Variants in CACNA2D3 observed in about 807,000 individuals in gnomAD.
CACNA2D3 encodes the protein calcium voltage-gated channel auxiliary subunit alpha2delta 3, also known as voltage-dependent calcium channel subunit alpha-2/delta-3.
A neutral mutation model predicts 160.6 loss-of-function variants in CACNA2D3; 60 were observed. The observed-to-expected ratio is 0.37, with a 90% CI of 0.30 to 0.46. CACNA2D3 has a LOEUF of 0.46. Ranked by LOEUF, CACNA2D3 falls within the 20% of genes least tolerant of loss-of-function variation. The pLI, the probability that CACNA2D3 is intolerant of heterozygous loss-of-function variation, is 1.00. For synonymous variants in CACNA2D3, 558 were observed against 492.9 expected, an observed-to-expected ratio of 1.13 and a Z score of -1.75; for missense variants, 1,205 against 1,365.0, an observed-to-expected ratio of 0.88 and a Z score of 1.85.
intron 2 of CACNA2D3, among the ~76,000 whole-genome samples, chr3:54,296,011 G>A (rs933784186): frequency 6.6e-5 from 10 of 152,280 alleles, no homozygotes; most frequent in African/African-American, 2.2e-4. Flanking sequence ...TGGAGCATGA[G>A]GGGAGGTTGG....
At chr3:54,982,320 C>G (rs558103646) in intron 29 of CACNA2D3, among the ~76,000 whole-genome samples, 1 of 152,282 alleles carries the variant, frequency 6.6e-6, no homozygotes, top group South Asian at 2.1e-4. Context: ...CAAGTTTGAT[C>G]AAGCATCTTT....
At chr3:54,707,582 C>A (rs1208765954) in intron 11 of CACNA2D3, among the ~76,000 whole-genome samples, 1 of 152,080 alleles carries the variant, frequency 6.6e-6, no homozygotes, top group Non-Finnish European at 1.5e-5. Flanking sequence ...GATCCTGATT[C>A]TTTTATCTGT....
intron 11 of CACNA2D3, among the ~76,000 whole-genome samples, chr3:54,670,163 G>A (rs887412712): frequency 2.0e-5 from 3 of 152,110 alleles, no homozygotes; most frequent in African/African-American, 4.8e-5. Flanking sequence ...ATGCCCATAC[G>A]TTTTCTGTCA....
In CACNA2D3 at chr3:54,122,591, A is replaced by T; in HGVS notation, c.-123A>T. 2.6e-6 allele frequency: 1 copy of T among 380,968 alleles called. No homozygotes were observed. The highest frequency in any genetic ancestry group is 1.1e-4 in the South Asian group (1 of 9,056). The allele number at this position is 380,968 out of a possible 1,614,324, so 23.6% of individuals were successfully genotyped here. A position where few individuals can be genotyped will look rare whatever the true frequency, so the allele number is the denominator to read the frequency against. On this transcript the variant is annotated 5_prime_UTR_variant, in exon 1 of 38. Transcript: ENST00000474759. ...TCCCCAAGTGAGCCGGGCGCGCGAG[A>T]GGCAGGCGGGGCGGCGCGGAGCGGA... is the stretch of plus-strand genomic sequence containing the variant.
chr3:54,763,645 G>A (rs539450201), intron 12 of CACNA2D3, among the ~76,000 whole-genome samples: 1,780 of 128,572 alleles, frequency 0.014, 21 homozygotes, highest in South Asian at 0.034. Flanking sequence ...GTGTGTGTGT[G>A]TATATATATG....
At chr3:54,230,571 T>C (rs1206231640) in intron 2 of CACNA2D3, among the ~76,000 whole-genome samples, 1 of 152,226 alleles carries the variant, frequency 6.6e-6, no homozygotes, top group Non-Finnish European at 1.5e-5. Context: ...CAGGGGATTC[T>C]AAAGGCAAAC....
At chr3:55,028,429 T>C (rs886582726) in intron 35 of CACNA2D3, among the ~76,000 whole-genome samples, 2 of 152,196 alleles carry the variant, frequency 1.3e-5, no homozygotes, top group African/African-American at 2.4e-5. Flanking sequence ...ATTAAATTAA[T>C]CTGTTATTCA....
intron 9 of CACNA2D3, among the ~76,000 whole-genome samples, chr3:54,590,324 A>G (rs9816819): frequency 0.088 from 13,333 of 152,220 alleles, 1,893 homozygotes; most frequent in African/African-American, 0.3. Context: ...AAAAGCCAAT[A>G]TCAAAAGAAC....
chr3:54,904,797 A>G (rs1700417152), intron 27 of CACNA2D3, among the ~76,000 whole-genome samples: 1 of 152,204 alleles, frequency 6.6e-6, no homozygotes. Context: ...GATAGTGGAA[A>G]CATAGTACTT....
intron 2 of CACNA2D3, among the ~76,000 whole-genome samples, chr3:54,131,286 G>C (rs1357662783): frequency 6.6e-6 from 1 of 152,198 alleles, no homozygotes; most frequent in Non-Finnish European, 1.5e-5. Flanking sequence ...CTGCAGTGGC[G>C]GCGGCCTCTG....
At position 54,836,354 on chromosome 3, in the gene CACNA2D3, C is replaced by T. The variant is rs1698687172; in HGVS notation, c.1399-805C>T. ...GGTTCACACCATTCTCCTGCCTCAGCCTCCCGAGTAGCTGGGACTACAGGC... is the reference window on the plus strand; with the variant it reads ...GGTTCACACCATTCTCCTGCCTCAGTCTCCCGAGTAGCTGGGACTACAGGC... On this transcript the variant is annotated intron_variant, in intron 14 of 37. Coordinates refer to ENST00000474759, the MANE Select transcript of CACNA2D3 (RefSeq NM_018398.3). 4.6e-5 allele frequency among the ~76,000 whole-genome samples: 7 copies of T among 151,974 alleles called. No homozygotes were observed. The South Asian group carries it at 1.5e-3, about 32-fold the overall frequency.
At chr3:54,165,114 ATTTTTTTTT>A (rs397961895) in intron 2 of CACNA2D3, among the ~76,000 whole-genome samples, 7 of 117,888 alleles carry the variant, frequency 5.9e-5, no homozygotes, top group African/African-American at 9.4e-5. Flanking sequence ...TCTGAATCTC[ATTTTTTTTT>A]TTTTTTTTTT....
At chr3:54,909,215 TTC>T in intron 27 of CACNA2D3, among the ~76,000 whole-genome samples, 1 of 152,206 alleles carries the variant, frequency 6.6e-6, no homozygotes, top group South Asian at 2.1e-4. Flanking sequence ...TTAGTTAATC[TTC>T]ACTCTAGCTT....
chr3:54,695,235 C>T (rs1218089567), intron 11 of CACNA2D3, among the ~76,000 whole-genome samples: 1 of 152,126 alleles, frequency 6.6e-6, no homozygotes, highest in African/African-American at 2.4e-5. Context: ...CCAGGCTGGT[C>T]TTGAACTCCT....
At chr3:54,255,720 C>T (rs1320677612) in intron 2 of CACNA2D3, among the ~76,000 whole-genome samples, 1 of 152,126 alleles carries the variant, frequency 6.6e-6, no homozygotes, top group East Asian at 1.9e-4. Flanking sequence ...ATTGTTCTCC[C>T]CATATTCCCC....
chr3:54,186,286 A>T (rs4128319), intron 2 of CACNA2D3, among the ~76,000 whole-genome samples: 24,162 of 152,212 alleles, frequency 0.16, 1,986 homozygotes, highest in South Asian at 0.23. Flanking sequence ...GTATAGCAGG[A>T]GGAAGTGTTC....
At chr3:54,813,362 C>T (rs570027000) in intron 13 of CACNA2D3, among the ~76,000 whole-genome samples, 53 of 152,286 alleles carry the variant, frequency 3.5e-4, no homozygotes, top group African/African-American at 1.3e-3. Context: ...GATGTGACCT[C>T]ATCTGGAGCC....
intron 35 of CACNA2D3, among the ~76,000 whole-genome samples, chr3:55,062,368 C>T (rs1241055500): frequency 6.6e-6 from 1 of 151,662 alleles, no homozygotes; most frequent in African/African-American, 2.4e-5. Context: ...CCTTCCTTGG[C>T]CTCTCAAAGT....
chr3:54,401,403 G>C (rs1699461455), intron 4 of CACNA2D3, among the ~76,000 whole-genome samples: 2 of 152,130 alleles, frequency 1.3e-5, no homozygotes, highest in South Asian at 4.1e-4. Flanking sequence ...AAACTCAAAA[G>C]TCCCCAAACA....
Sources: gnomAD v4.1 joint callset for allele counts (sites outside exome capture counted in the v4.1 genomes callset) on GRCh38, gnomAD v4.1.1 for gene constraint, MANE v1.5 for transcripts, NCBI Gene and HGNC (gene_info 2026-07-23, HGNC 2026-07-21) for gene names.